Variants in BABAM2 observed in about 807,000 individuals in gnomAD.
BABAM2 encodes BRISC and BRCA1-A complex member 2.
A neutral mutation model predicts 54.7 loss-of-function variants in BABAM2; 31 were observed. That is an observed-to-expected ratio of 0.57 (90% CI 0.43 to 0.77). BABAM2 has a LOEUF of 0.77. Ranked by LOEUF, BABAM2 falls within the 30% of genes least tolerant of loss-of-function variation. The pLI is 0.00. For synonymous variants in BABAM2, 167 were observed against 162.9 expected (o/e 1.03, Z -0.19); for missense variants, 364 against 455.8 (o/e 0.80, Z 1.83).
Position 28,179,735 on chromosome 2 carries a change from C to T in BABAM2, c.680+50355C>T, listed in dbSNP as rs1180425505. ...TCTTATATCTAGAAAAATCTAAAGA[C>T]TCCACCAAAAAATCTTAGCTGTGGT... On this transcript the variant is annotated intron_variant, in intron 7 of 11. Coordinates refer to ENST00000379624, the MANE Select transcript of BABAM2 (RefSeq NM_199191.3). 3.3e-5 allele frequency among the ~76,000 whole-genome samples: 5 copies of T among 152,172 alleles called. No individual in the cohort carries two copies. The South Asian group carries it at 1.0e-3, about 31-fold the overall frequency.
intron 9 of BABAM2, among the ~76,000 whole-genome samples, chr2:28,242,603 A>G (rs1365663911): frequency 6.6e-6 from 1 of 152,204 alleles, no homozygotes; most frequent in African/African-American, 2.4e-5. Context: ...ATATCTAGTA[A>G]TACAAAATTA....
At chr2:28,040,226 C>T (rs560180094) in intron 5 of BABAM2, among the ~76,000 whole-genome samples, 1 of 150,350 alleles carries the variant, frequency 6.7e-6, no homozygotes, top group East Asian at 2.0e-4. Flanking sequence ...ATCATGTACT[C>T]AGTTTCACAG....
chr2:28,004,469 G>A (rs963606756), intron 4 of BABAM2, among the ~76,000 whole-genome samples: 5 of 151,992 alleles, frequency 3.3e-5, no homozygotes, highest in African/African-American at 4.8e-5. Flanking sequence ...TCTGTTTCAA[G>A]AACATTTATG....
chr2:28,076,594 C>T (rs577347415), intron 6 of BABAM2, among the ~76,000 whole-genome samples: 28 of 152,134 alleles, frequency 1.8e-4, no homozygotes, highest in South Asian at 6.2e-4. Flanking sequence ...CTCCCGGGTT[C>T]GTGCCATTCT....
chr2:28,294,379 CAAAAA>C (rs113383946), intron 10 of BABAM2, among the ~76,000 whole-genome samples: 2 of 93,090 alleles, frequency 2.1e-5, no homozygotes, highest in African/African-American at 4.0e-5. Flanking sequence ...GACTCCATCT[CAAAAA>C]AAAAAAAAAA....
At chr2:27,978,115 G>C (rs1036031260) in intron 3 of BABAM2, among the ~76,000 whole-genome samples, 1 of 152,184 alleles carries the variant, frequency 6.6e-6, no homozygotes, top group Admixed American at 6.5e-5. Flanking sequence ...GGTGAGCCTA[G>C]TGGGAAGTGT....
intron 3 of BABAM2, among the ~76,000 whole-genome samples, chr2:27,947,410 A>G (rs1416809377): frequency 6.6e-6 from 1 of 152,116 alleles, no homozygotes; most frequent in East Asian, 1.9e-4. Context: ...TTTATCATGT[A>G]AGAACCTAAC....
chr2:27,902,905 T>TTGTGTG (rs57389847), intron 2 of BABAM2, among the ~76,000 whole-genome samples: 13 of 147,778 alleles, frequency 8.8e-5, no homozygotes, highest in African/African-American at 2.2e-4. Context: ...GTGTGTGTGT[T>TTGTGTG]TGTGTGTGTG....
chr2:28,192,811 C>G (rs973409360), intron 7 of BABAM2, among the ~76,000 whole-genome samples: 10 of 151,996 alleles, frequency 6.6e-5, no homozygotes, highest in Non-Finnish European at 1.0e-4. Context: ...TGTGAGCCAC[C>G]ACGCCCGGCC....
intron 5 of BABAM2, among the ~76,000 whole-genome samples, chr2:28,044,935 G>A (rs901943617): frequency 6.6e-6 from 1 of 151,344 alleles, no homozygotes; most frequent in African/African-American, 2.4e-5. Flanking sequence ...AGGTTCTCTA[G>A]CACCTCTAGA....
intron 11 of BABAM2, chr2:28,310,508 CAGTT>C (rs1026958114): frequency 8.5e-5 from 17 of 199,670 alleles, no homozygotes; most frequent in African/African-American, 4.6e-5. Context: ...CAGTGGAAAA[CAGTT>C]AGGGCTTTTG....
In BABAM2 at chr2:28,329,173, C is replaced by A. The variant is rs1456824725; in HGVS notation, c.1089-9277C>A. Reference sequence around the variant, plus strand: ...CATTATGTCATTTTCCAGGCATTACCCCTGATAACTTATGCTTCCTGAGCT... The same window carrying A: ...CATTATGTCATTTTCCAGGCATTACACCTGATAACTTATGCTTCCTGAGCT... On this transcript the variant is annotated intron_variant, in intron 11 of 11. Coordinates refer to ENST00000379624, the MANE Select transcript of BABAM2 (RefSeq NM_199191.3). The surrounding 1 kb of genome is among the most constrained non-coding windows in gnomAD (Gnocchi z 4.2). 6.6e-6 allele frequency among the ~76,000 whole-genome samples: 1 copy of A among 152,180 alleles called. No homozygotes were observed. The highest frequency in any genetic ancestry group is 2.4e-5 in the African/African-American group (1 of 41,436).
intron 11 of BABAM2, among the ~76,000 whole-genome samples, chr2:28,302,173 T>G (rs1008284449): frequency 6.6e-6 from 1 of 152,152 alleles, no homozygotes; most frequent in Non-Finnish European, 1.5e-5. Context: ...TCCCAGCATT[T>G]TGGGGGACTG....
chr2:27,966,948 G>A (rs1415887141), intron 3 of BABAM2, among the ~76,000 whole-genome samples: 1 of 152,212 alleles, frequency 6.6e-6, no homozygotes, highest in Non-Finnish European at 1.5e-5. Context: ...TAGTGGCCCA[G>A]ACTAAGTGCT....
rs536922367 is a variant in BABAM2, at chr2:27,947,208, G to A, written c.205+17300G>A. ...TTGCTGTTTATTTTCTAATTGTTAT[G>A]TCATCTGTTTTTCATTTCTTTTACT... On this transcript the variant is annotated intron_variant, in intron 3 of 11. Transcript: ENST00000379624. 7.2e-5 allele frequency among the ~76,000 whole-genome samples: 11 copies of A among 152,040 alleles called. No individual in the cohort carries two copies. The East Asian group carries it at 2.1e-3, about 29-fold the overall frequency.
At chr2:28,127,169 T>A (rs1325902291) in intron 6 of BABAM2, among the ~76,000 whole-genome samples, 2 of 152,186 alleles carry the variant, frequency 1.3e-5, no homozygotes, top group Non-Finnish European at 2.9e-5. Context: ...CAATTTTGGC[T>A]TTTGTTGCCA....
At chr2:28,114,238 G>A (rs1668394997) in intron 6 of BABAM2, among the ~76,000 whole-genome samples, 1 of 151,870 alleles carries the variant, frequency 6.6e-6, no homozygotes, top group Non-Finnish European at 1.5e-5. Context: ...AATTACCTCT[G>A]TTTGCAGATG....
chr2:28,322,567 G>A lies in BABAM2; in HGVS notation c.1089-15883G>A, dbSNP rs370751753. ...GCCTTGAACAAGATCCTGAGGTCTCGCCCAACAGCAAGGTTCTCTGGTTAG... is the reference window on the plus strand; with the variant it reads ...GCCTTGAACAAGATCCTGAGGTCTCACCCAACAGCAAGGTTCTCTGGTTAG... On this transcript the variant is annotated intron_variant, in intron 11 of 11. Transcript: ENST00000379624. The surrounding 1 kb of genome is among the most constrained non-coding windows in gnomAD (Gnocchi z 4.1). 2.0e-5 allele frequency among the ~76,000 whole-genome samples: 3 copies of A among 152,218 alleles called. No individual in the cohort carries two copies. Among genetic ancestry groups the A allele is most frequent in the Admixed American group, 1.3e-4 (2 of 15,282 alleles).
intron 7 of BABAM2, among the ~76,000 whole-genome samples, chr2:28,170,633 C>T (rs1317330091): frequency 6.6e-6 from 1 of 152,010 alleles, no homozygotes; most frequent in Non-Finnish European, 1.5e-5. Context: ...TTGATAGTAT[C>T]ACATTTTTAA....
Sources: allele counts gnomAD v4.1 joint callset (sites outside exome capture counted in the v4.1 genomes callset), GRCh38; gene constraint gnomAD v4.1.1; non-coding constraint Gnocchi (gnomAD v3.1); transcripts MANE v1.5; gene names NCBI Gene and HGNC (gene_info 2026-07-23, HGNC 2026-07-21).